Variants in PAPOLB observed in about 807,000 individuals in gnomAD.
PAPOLB encodes poly(A) polymerase beta, also known as PAP-beta.
In PAPOLB, 19 loss-of-function variants were observed where a neutral mutation model predicts 23.2. The ratio of observed to expected loss-of-function variants is 0.82; its 90% CI spans 0.57 to 1.20. The LOEUF (loss-of-function observed/expected upper bound fraction) is 1.20, where lower values mean the gene tolerates loss of function less well. Among genes scored for constraint, PAPOLB ranks in the 50% most tolerant of loss-of-function variants. PAPOLB has a pLI of 0.00. For missense variants in PAPOLB, 822 were observed against 776.8 expected, an observed-to-expected ratio of 1.06 and a Z score of -0.69; for synonymous variants, 360 against 290.7, an observed-to-expected ratio of 1.24 and a Z score of -2.43.
rs779193660 is a variant in PAPOLB, at chr7:4,860,780, T to C, written c.1031A>G (p.Gln344Arg). ...AATCTCGTGTGTGATAGCAAGCCCC[T>C]GTTTAAACTCCTCAATCATGACCAT... ...TRMVMIEEFK[Q>R]GLAITHEILL... Residue 344 changes from glutamine (Q) to arginine (R), a missense_variant, in exon 1 of 1, where the codon CAG becomes CGG. Gln to Arg is a conservative substitution (Grantham distance 43). Coordinates refer to ENST00000404991, the MANE Select transcript of PAPOLB (RefSeq NM_020144.5). 3 of 1,614,166 alleles carry C rather than the reference T, an allele frequency of 1.9e-6. No homozygotes were observed. Among genetic ancestry groups the C allele is most frequent in the South Asian group, 1.1e-5 (1 of 91,074 alleles).
rs770769746 is a variant in PAPOLB at position 4,861,259 on chromosome 7, G to A, written c.552C>T (p.Asp184=). 34 of 1,613,976 alleles carry A rather than the reference G, an allele frequency of 2.1e-5. No homozygotes were observed. In the East Asian group the frequency reaches 5.6e-4, roughly 26 times the overall value. ...LALQTIPEDL[D]LRDDSLLKNL... is the part of the protein sequence containing the mutation. ...TTTTAAGTAGACTGTCATCTCTTAA[G>A]TCCAAATCTTCTGGAATAGTCTGTA... The change falls in exon 1 of 1, where the codon GAC becomes GAT. Residue 184 remains aspartate, a synonymous_variant. Coordinates refer to ENST00000404991, the MANE Select transcript of PAPOLB (RefSeq NM_020144.5).
chr7:4,860,543 G>A lies in PAPOLB; in HGVS notation c.1268C>T (p.Pro423Leu), dbSNP rs1233029800. The A allele has an allele frequency of 1.2e-6, 2 of 1,614,138 alleles. No individual in the cohort carries two copies. The highest frequency in any genetic ancestry group is 1.7e-6 in the Non-Finnish European group (2 of 1,180,018). The change falls in exon 1 of 1, where the codon CCA (proline) becomes CTA (leucine). Residue 423 changes from proline (P) to leucine (L), a missense_variant. Pro to Leu is a moderately conservative substitution (Grantham distance 98). This residue lies in a region of PAPOLB where 534 missense variants were observed against 502.8 expected (regional missense o/e 1.06). Transcript: ENST00000404991. ...TLAHVNPQSFPAPKENPDMEE... is the reference protein window; with the variant it reads ...TLAHVNPQSFLAPKENPDMEE... ...CATATCAGGATTTTCTTTGGGTGCTGGAAATGACTGTGGATTCACATGTGC... is the reference window on the plus strand; with the variant it reads ...CATATCAGGATTTTCTTTGGGTGCTAGAAATGACTGTGGATTCACATGTGC...
Position 4,860,973 on chromosome 7 carries a change from A to G in PAPOLB, c.838T>C (p.Trp280Arg), listed in dbSNP as rs1159631351. 6.2e-7 allele frequency: 1 copy of G among 1,614,112 alleles called. No homozygotes were observed. The highest frequency in any genetic ancestry group is 2.2e-5 in the East Asian group (1 of 44,894). ...VRKFFLVFSE[W>R]EWPNPVLLKE... is the part of the protein sequence containing the mutation. ...AGTAACACTGGGTTTGGCCATTCCC[A>G]TTCTGAAAATACCAAGAAGAATTTC... The change falls in exon 1 of 1, where the codon TGG (tryptophan) becomes CGG (arginine). Residue 280 changes from tryptophan (W) to arginine (R), a missense_variant. Physicochemically the swap from Trp to Arg is moderately radical, Grantham distance 101. Transcript: ENST00000404991.
At position 4,860,152 on chromosome 7, in the gene PAPOLB, C is replaced by G. The variant is rs1783944669; in HGVS notation, c.1659G>C (p.Gln553His). 8 of 1,613,990 alleles carry G rather than the reference C, an allele frequency of 5.0e-6. No individual in the cohort carries two copies. In the South Asian group the frequency reaches 5.5e-5, roughly 11 times the overall value. Reference protein sequence around the residue: ...MKTGPLISSSQGRNSPALAVM... With the variant: ...MKTGPLISSSHGRNSPALAVM... ...CAGCCAAGGCAGGACTGTTTCTACC[C>G]TGAGAACTGCTAATCAATGGGCCTG... Residue 553 changes from glutamine (Q) to histidine (H), a missense_variant, in exon 1 of 1, where the codon CAG (glutamine) becomes CAC (histidine). Transcript: ENST00000404991.
chr7:4,861,412 T>C lies in PAPOLB; in HGVS notation c.399A>G (p.Ser133=), dbSNP rs1292493711. 1.2e-6 allele frequency: 2 copies of C among 1,614,176 alleles called. No individual in the cohort carries two copies. ...CCTGTAGTTTCAGTTTAGCATAGAA[T>C]GAGGTGAAAAAGTCGCTTCGATCCA... ...SHVDRSDFFT[S]FYAKLKLQEE... is the part of the protein sequence containing the mutation. The change falls in exon 1 of 1, where the codon TCA becomes TCG. Residue 133 remains serine (S), a synonymous_variant. Coordinates refer to ENST00000404991, the MANE Select transcript of PAPOLB (RefSeq NM_020144.5).
chr7:4,860,771 G>C lies in PAPOLB; in HGVS notation c.1040C>G (p.Ala347Gly). Residue 347 changes from alanine (A) to glycine (G), a missense_variant, in exon 1 of 1, where the codon GCT becomes GGT. Around this residue, in one of 3 missense-constraint regions of PAPOLB, gnomAD observed 534 missense variants for 502.8 expected, o/e 1.06. Transcript: ENST00000404991. Reference protein sequence around the residue: ...VMIEEFKQGLAITHEILLSKA... With the variant: ...VMIEEFKQGLGITHEILLSKA... ...ACTTAGCAAAATCTCGTGTGTGATA[G>C]CAAGCCCCTGTTTAAACTCCTCAAT... is the stretch of plus-strand genomic sequence containing the variant. The C allele has an allele frequency of 3.7e-6, 6 of 1,614,186 alleles. No individual in the cohort carries two copies. The highest frequency in any genetic ancestry group is 5.1e-6 in the Non-Finnish European group (6 of 1,180,032).
At position 4,861,243 on chromosome 7, in the gene PAPOLB, G is replaced by C. The variant is rs1022944609; in HGVS notation, c.568C>G (p.Leu190Val). The change falls in exon 1 of 1, where the codon CTA becomes GTA. Residue 190 changes from leucine (L) to valine (V), a missense_variant. Leu to Val is a conservative substitution (Grantham distance 32, BLOSUM62 1). Transcript: ENST00000404991. ...PEDLDLRDDSLLKNLDIRCIR... is the reference protein window; with the variant it reads ...PEDLDLRDDSVLKNLDIRCIR... ...CATCTAATGTCTAAATTTTTAAGTAGACTGTCATCTCTTAAGTCCAAATCT... is the reference window on the plus strand; with the variant it reads ...CATCTAATGTCTAAATTTTTAAGTACACTGTCATCTCTTAAGTCCAAATCT... 3.7e-6 allele frequency: 6 copies of C among 1,613,952 alleles called. No individual in the cohort carries two copies. Among genetic ancestry groups the C allele is most frequent in the Admixed American group, 3.3e-5 (2 of 60,010 alleles).
Position 4,861,070 on chromosome 7 carries a change from A to T in PAPOLB, c.741T>A (p.Gly247=). Residue 247 remains glycine (G), a synonymous_variant, in exon 1 of 1, where the codon GGT becomes GGA. Coordinates refer to ENST00000404991, the MANE Select transcript of PAPOLB (RefSeq NM_020144.5). ...TTGCTACTAGCATGGCCCAGGAAAC[A>T]CCTCCGAGGAAACCTAATATATTGG... ...IYSNILGFLG[G]VSWAMLVART... is the part of the protein sequence containing the mutation. 2 of 1,614,188 alleles carry T rather than the reference A, an allele frequency of 1.2e-6. No individual in the cohort carries two copies. The highest frequency in any genetic ancestry group is 1.7e-6 in the Non-Finnish European group (2 of 1,180,038).
At position 4,859,882 on chromosome 7, in the gene PAPOLB, T is replaced by A. The variant is rs372509140; in HGVS notation, c.*15A>T. On this transcript the variant is annotated 3_prime_UTR_variant, in exon 1 of 1. Coordinates refer to ENST00000404991, the MANE Select transcript of PAPOLB (RefSeq NM_020144.5). ...CTTTCTTCTTTATGAGGCAAGAATA[T>A]CCTCTAGACTCCAACTATAGGATTA... 2.2e-5 allele frequency: 33 copies of A among 1,533,600 alleles called. No individual in the cohort carries two copies. Among genetic ancestry groups the A allele is most frequent in the Non-Finnish European group, 3.0e-5 (33 of 1,118,064 alleles). The allele number at this position is 1,533,600 out of a possible 1,614,324, so 95.0% of individuals were successfully genotyped here.
chr7:4,860,232 A>C lies in PAPOLB; in HGVS notation c.1579T>G (p.Ser527Ala). 6.2e-7 allele frequency: 1 copy of C among 1,614,028 alleles called. No homozygotes were observed. The change falls in exon 1 of 1, where the codon TCT becomes GCT. Residue 527 changes from serine to alanine, a missense_variant. By Grantham distance (99) the Ser-to-Ala change is moderately conservative (BLOSUM62 1). This residue lies in a region of PAPOLB where 534 missense variants were observed against 502.8 expected (regional missense o/e 1.06). Transcript: ENST00000404991. ...TDLNDSSFDLSAGCENSMSVP... is the reference protein window; with the variant it reads ...TDLNDSSFDLAAGCENSMSVP... The stretch of plus-strand genomic sequence containing the variant: ...GACATGCTGTTTTCACAGCCTGCAG[A>C]CAAGTCAAAGCTGCTGTCGTTCAAA...
Position 4,861,276 on chromosome 7 carries a change from T to TTA in PAPOLB, c.534_535insTA (p.Ile179Ter). 6.2e-7 allele frequency: 1 copy of TTA among 1,614,096 alleles called. No individual in the cohort carries two copies. Among genetic ancestry groups the TTA allele is most frequent in the Non-Finnish European group, 8.5e-7 (1 of 1,179,940 alleles). On this transcript the variant is annotated frameshift_variant, in exon 1 of 1. Transcript: ENST00000404991. LOFTEE classifies it high-confidence loss of function. The stretch of plus-strand genomic sequence containing the variant: ...TCTCTTAAGTCCAAATCTTCTGGAA[T>TTA]AGTCTGTAGTGCTAATCTTGCAAAT...
At position 4,861,283 on chromosome 7, in the gene PAPOLB, T is replaced by C. The variant is rs556340574; in HGVS notation, c.528A>G (p.Leu176=). The change falls in exon 1 of 1, where the codon CTA becomes CTG. Residue 176 remains leucine (L), a synonymous_variant. Coordinates refer to ENST00000404991, the MANE Select transcript of PAPOLB (RefSeq NM_020144.5). The part of the protein sequence containing the change: ...EIDILFARLA[L]QTIPEDLDLR... ...AGTCCAAATCTTCTGGAATAGTCTG[T>C]AGTGCTAATCTTGCAAATAAAATAT... The C allele has an allele frequency of 4.3e-6, 7 of 1,614,160 alleles. No individual in the cohort carries two copies. Among genetic ancestry groups the C allele is most frequent in the South Asian group, 2.2e-5 (2 of 91,076 alleles).
In PAPOLB at chr7:4,861,625, C is replaced by T; in HGVS notation, c.186G>A (p.Arg62=). The change falls in exon 1 of 1, where the codon AGG becomes AGA. Residue 62 remains arginine (R), a synonymous_variant. Coordinates refer to ENST00000404991, the MANE Select transcript of PAPOLB (RefSeq NM_020144.5). Reference sequence around the variant, plus strand: ...TATTTAATTTTTCCAAAACTAAAATCCTGCGCTGCAGTTCCTCTTCCTCTT... The same window carrying T: ...TATTTAATTTTTCCAAAACTAAAATTCTGCGCTGCAGTTCCTCTTCCTCTT... ...VFEEEEELQR[R]ILVLEKLNNL... The T allele has an allele frequency of 1.2e-6, 2 of 1,611,574 alleles. No individual in the cohort carries two copies. Among genetic ancestry groups the T allele is most frequent in the South Asian group, 1.1e-5 (1 of 90,758 alleles).
In PAPOLB at chr7:4,860,201, G is replaced by C. The variant is rs1783946709; in HGVS notation, c.1610C>G (p.Pro537Arg). Residue 537 changes from proline to arginine, a missense_variant, in exon 1 of 1, where the codon CCT (proline) becomes CGT (arginine). By Grantham distance (103) the Pro-to-Arg change is moderately radical. Around this residue, in one of 3 missense-constraint regions of PAPOLB, gnomAD observed 534 missense variants for 502.8 expected, o/e 1.06. Transcript: ENST00000404991. ...SAGCENSMSV[P>R]SSTSTMKTGP... Reference sequence around the variant, plus strand: ...TGTCTTCATAGTGCTAGTAGATGAAGGCACAGACATGCTGTTTTCACAGCC... The same window carrying C: ...TGTCTTCATAGTGCTAGTAGATGAACGCACAGACATGCTGTTTTCACAGCC... 1 of 1,613,912 alleles carries C rather than the reference G, an allele frequency of 6.2e-7. No homozygotes were observed. The highest frequency in any genetic ancestry group is 1.1e-5 in the South Asian group (1 of 91,088).
At position 4,861,536 on chromosome 7, in the gene PAPOLB, T is replaced by C. The variant is rs1341302117; in HGVS notation, c.275A>G (p.Glu92Gly). Reference sequence around the variant, plus strand: ...CGTAAAAATCTTTCCTCCAACGTTTTCAATTACAGACTGGGGAAGACTCTT... The same window carrying C: ...CGTAAAAATCTTTCCTCCAACGTTTCCAATTACAGACTGGGGAAGACTCTT... ...ESKSLPQSVIENVGGKIFTFG... is the reference protein window; with the variant it reads ...ESKSLPQSVIGNVGGKIFTFG... Residue 92 changes from glutamate (E) to glycine (G), a missense_variant, in exon 1 of 1, where the codon GAA becomes GGA. Physicochemically the swap from Glu to Gly is moderately conservative, Grantham distance 98 (BLOSUM62 -2). Transcript: ENST00000404991. The C allele has an allele frequency of 6.2e-7, 1 of 1,613,976 alleles. No homozygotes were observed. Among genetic ancestry groups the C allele is most frequent in the African/African-American group, 1.3e-5 (1 of 74,958 alleles).
In PAPOLB at chr7:4,858,298, G is replaced by C. The variant is rs900950982; in HGVS notation, c.*1599C>G. 1 of 152,302 alleles carries C rather than the reference G, an allele frequency of 6.6e-6. No individual in the cohort carries two copies. Among genetic ancestry groups the C allele is most frequent in the Middle Eastern group, 3.4e-3 (1 of 294 alleles). 9.4% of individuals were successfully genotyped at this position (152,302 alleles called of 1,614,324 possible). ...GAGGGACGGGAGGGGTTAAAGCAAG[G>C]CTAATTGGAAAGCCTGTTAAGTTTG... On this transcript the variant is annotated 3_prime_UTR_variant, in exon 1 of 1. Transcript: ENST00000404991.
chr7:4,860,473 CT>C lies in PAPOLB; in HGVS notation c.1337del (p.Lys446SerfsTer28). ...TMWVIGLGLKKPDNSEILSID... is the reference protein window; with the variant it reads ...TMWVIGLGLKXPDNSEILSID... Reference sequence around the variant, plus strand: ...TGCTGAGAATTTCAGAATTATCTGGCTTTTTTAGCCCTAACCCAATCACCCA... The same window carrying C: ...TGCTGAGAATTTCAGAATTATCTGGCTTTTTAGCCCTAACCCAATCACCCA... On this transcript the variant is annotated frameshift_variant, in exon 1 of 1. Coordinates refer to ENST00000404991, the MANE Select transcript of PAPOLB (RefSeq NM_020144.5). 5 of 1,613,996 alleles carry C rather than the reference CT, an allele frequency of 3.1e-6. No homozygotes were observed. The highest frequency in any genetic ancestry group is 2.2e-5 in the East Asian group (1 of 44,880).
rs1783888549 is a variant in PAPOLB at position 4,858,424 on chromosome 7, T to G, written c.*1473A>C. 1 of 152,474 alleles carries G rather than the reference T, an allele frequency of 6.6e-6. No homozygotes were observed. Among genetic ancestry groups the G allele is most frequent in the Non-Finnish European group, 1.5e-5 (1 of 68,012 alleles). The allele number at this position is 152,474 out of a possible 1,614,324, so 9.4% of individuals were successfully genotyped here. A position where few individuals can be genotyped will look rare whatever the true frequency, so the allele number is the denominator to read the frequency against. On this transcript the variant is annotated 3_prime_UTR_variant, in exon 1 of 1. Transcript: ENST00000404991. ...CTACTGCTTAATTATGAGATTTTTT[T>G]TAACTTAAAGTATTGCTGATCTTTT... is the stretch of plus-strand genomic sequence containing the variant.
Position 4,861,803 on chromosome 7 carries a change from G to A in PAPOLB, c.8C>T (p.Pro3Leu), listed in dbSNP as rs752931444. 2.9e-6 allele frequency: 4 copies of A among 1,394,892 alleles called. No individual in the cohort carries two copies. The highest frequency in any genetic ancestry group is 5.1e-5 in the East Asian group (2 of 39,118). The allele number at this position is 1,394,892 out of a possible 1,614,324, so 86.4% of individuals were successfully genotyped here. The part of the protein sequence containing the change: MM[P>L]FPVTTQGPPQ... ...TGGTCCCTGGGTTGTCACCGGAAAC[G>A]GCATCATCTTTCAGCGCCCGCCCCG... The change falls in exon 1 of 1, where the codon CCG becomes CTG. Residue 3 changes from proline (P) to leucine (L), a missense_variant. Physicochemically the swap from Pro to Leu is moderately conservative, Grantham distance 98 (BLOSUM62 -3). Around this residue, in one of 3 missense-constraint regions of PAPOLB, gnomAD observed 276 missense variants for 243.9 expected, o/e 1.13. Coordinates refer to ENST00000404991, the MANE Select transcript of PAPOLB (RefSeq NM_020144.5).
Sources: allele counts gnomAD v4.1 joint callset, GRCh38; gene constraint gnomAD v4.1.1; regional missense constraint gnomAD v4.1.1; transcripts MANE v1.5; gene names NCBI Gene and HGNC (gene_info 2026-07-23, HGNC 2026-07-21).